The following DGKB variants were observed in gnomAD, a reference collection of about 807,000 sequenced individuals.
The protein encoded by DGKB is diacylglycerol kinase beta, also known as 90 kDa diacylglycerol kinase.
DGKB carries 67 observed loss-of-function variants against 114.3 expected under a neutral mutation model. The observed-to-expected ratio is 0.59, with a 90% CI of 0.48 to 0.72. The LOEUF (loss-of-function observed/expected upper bound fraction) is 0.72. Ranked by LOEUF, DGKB falls within the 30% of genes least tolerant of loss-of-function variation. The probability of loss-of-function intolerance (pLI) is 0.00; values close to 1 mark genes in which losing one functional copy is unlikely to be tolerated. For missense variants in DGKB, 907 were observed against 975.2 expected (o/e 0.93, Z 0.93); for synonymous variants, 398 against 323.1 (o/e 1.23, Z -2.49).
rs189513005 is a variant in DGKB at position 14,468,478 on chromosome 7, A to G, written c.1835+9683T>C. Among the ~76,000 whole-genome samples the G allele has an allele frequency of 1.6e-3, 239 of 152,092 alleles. 1 individual carries two copies. The highest frequency in any genetic ancestry group is 4.5e-3 in the Admixed American group (68 of 15,254). On this transcript the variant is annotated intron_variant, in intron 21 of 25. Transcript: ENST00000402815. ...AAATAATAGATTTAACTGTTGTCCA[A>G]GCTTATCTGCAGTTTCTTCCCTTTA... is the stretch of plus-strand genomic sequence containing the variant.
intron 4 of DGKB, among the ~76,000 whole-genome samples, chr7:14,736,830 T>C (rs762864085): frequency 6.6e-5 from 10 of 152,182 alleles, no homozygotes; most frequent in Non-Finnish European, 1.5e-4. Context: ...TTGGAGAGAA[T>C]TGTGGTGGTG....
At chr7:14,425,808 T>C (rs578261704) in intron 21 of DGKB, among the ~76,000 whole-genome samples, 6 of 152,276 alleles carry the variant, frequency 3.9e-5, no homozygotes, top group African/African-American at 1.4e-4. Context: ...TCTTCTTTGG[T>C]GCCTAATCAG....
At chr7:14,391,869 TGA>T (rs1170295974) in intron 21 of DGKB, among the ~76,000 whole-genome samples, 2 of 152,190 alleles carry the variant, frequency 1.3e-5, no homozygotes, top group Admixed American at 6.5e-5. Context: ...GATATAATAT[TGA>T]GAGACTTTAC....
intron 2 of DGKB, among the ~76,000 whole-genome samples, chr7:14,771,973 T>A (rs952724350): frequency 2.6e-5 from 4 of 151,874 alleles, no homozygotes; most frequent in African/African-American, 9.7e-5. Flanking sequence ...AACACTCCTT[T>A]CCATTGATCC....
Position 14,145,898 on chromosome 7 carries a change from C to G in DGKB, c.*3233G>C, listed in dbSNP as rs1385386184. The G allele has an allele frequency of 6.6e-6, 1 of 152,102 alleles. No individual in the cohort carries two copies. The highest frequency in any genetic ancestry group is 1.5e-5 in the Non-Finnish European group (1 of 68,010). The allele number at this position is 152,102 out of a possible 1,614,324, so 9.4% of individuals were successfully genotyped here. A position where few individuals can be genotyped will look rare whatever the true frequency, so the allele number is the denominator to read the frequency against. On this transcript the variant is annotated 3_prime_UTR_variant, in exon 26 of 26. Transcript: ENST00000402815. Reference sequence around the variant, plus strand: ...GTGTGAGATTCAAAACATATTCTTCCCTGAAAAATTGCAACTACTTCCCAT... The same window carrying G: ...GTGTGAGATTCAAAACATATTCTTCGCTGAAAAATTGCAACTACTTCCCAT...
At chr7:14,415,767 A>G (rs1246195193) in intron 21 of DGKB, among the ~76,000 whole-genome samples, 1 of 152,104 alleles carries the variant, frequency 6.6e-6, no homozygotes, top group South Asian at 2.1e-4. Context: ...ATGATTTATA[A>G]TCCTTTGGGT....
chr7:14,652,365 T>A (rs2128902261), intron 13 of DGKB, among the ~76,000 whole-genome samples: 1 of 152,156 alleles, frequency 6.6e-6, no homozygotes, highest in African/African-American at 2.4e-5. Context: ...AACTATCCGA[T>A]CTTTGACAAA....
At chr7:14,681,360 GTACT>G (rs748289423) in intron 12 of DGKB, among the ~76,000 whole-genome samples, 88 of 152,080 alleles carry the variant, frequency 5.8e-4, no homozygotes, top group Admixed American at 1.6e-3. Context: ...TTAAAGGAAA[GTACT>G]TAATTGTATT....
intron 23 of DGKB, among the ~76,000 whole-genome samples, chr7:14,210,537 G>T (rs911100320): frequency 1.3e-4 from 20 of 152,060 alleles, no homozygotes; most frequent in African/African-American, 4.6e-4. Context: ...TCACAACAGA[G>T]CTTTAATGTG....
At chr7:14,553,230 T>C (rs555945914) in intron 20 of DGKB, among the ~76,000 whole-genome samples, 1 of 152,242 alleles carries the variant, frequency 6.6e-6, no homozygotes, top group Non-Finnish European at 1.5e-5. Context: ...GCTTTGTCAC[T>C]TTCCTTTATA....
At chr7:14,422,955 A>T (rs1156689878) in intron 21 of DGKB, among the ~76,000 whole-genome samples, 1 of 152,028 alleles carries the variant, frequency 6.6e-6, no homozygotes, top group Non-Finnish European at 1.5e-5. Flanking sequence ...TTGCTAGGGA[A>T]ACTAGGCTGT....
upstream of DGKB, chr7:14,903,330 G>A (rs1222964284): frequency 6.6e-6 from 1 of 151,978 alleles, no homozygotes; most frequent in African/African-American, 2.4e-5. Flanking sequence ...AGCTGCTATT[G>A]CTACTCTTGC....
At chr7:14,798,200 C>G (rs759396209) in intron 2 of DGKB, among the ~76,000 whole-genome samples, 1 of 152,134 alleles carries the variant, frequency 6.6e-6, no homozygotes, top group Non-Finnish European at 1.5e-5. Context: ...GGACTCTATC[C>G]GGAACTGTCA....
chr7:14,798,810 T>C (rs1217955281), intron 2 of DGKB, among the ~76,000 whole-genome samples: 1 of 152,186 alleles, frequency 6.6e-6, no homozygotes, highest in Non-Finnish European at 1.5e-5. Flanking sequence ...CCAGAATGCC[T>C]AATTGTAACA....
chr7:14,927,052 A>AATG (rs1023269168), intron 1 of DGKB, among the ~76,000 whole-genome samples: 2 of 151,946 alleles, frequency 1.3e-5, no homozygotes, highest in African/African-American at 2.4e-5. Flanking sequence ...GATTCACTGG[A>AATG]ATGATGATGA....
chr7:14,973,247 A>G (rs150269859), intron 1 of DGKB, among the ~76,000 whole-genome samples: 5 of 151,910 alleles, frequency 3.3e-5, no homozygotes, highest in African/African-American at 1.2e-4. Context: ...CCTCTATTTA[A>G]TTTTTATTTA....
chr7:14,627,580 C>T (rs542077329), intron 14 of DGKB, among the ~76,000 whole-genome samples: 27 of 129,468 alleles, frequency 2.1e-4, no homozygotes, highest in African/African-American at 8.1e-4. Flanking sequence ...GTGTGTATGT[C>T]TGTGTCTGTG....
intron 3 of DGKB, 117 bp from the exon 4 acceptor site, chr7:14,754,065 C>T (rs1395350448): frequency 1.2e-5 from 8 of 690,412 alleles, no homozygotes; most frequent in Non-Finnish European, 7.3e-6. Context: ...TTTTAAAACA[C>T]ACCCTAGATC....
At chr7:14,201,798 TAAG>T (rs1785934459) in intron 23 of DGKB, among the ~76,000 whole-genome samples, 1 of 152,000 alleles carries the variant, frequency 6.6e-6, no homozygotes. Flanking sequence ...ATTAAAAAAA[TAAG>T]AATCATATAT....
Sources: allele counts gnomAD v4.1 joint callset (sites outside exome capture counted in the v4.1 genomes callset), GRCh38; gene constraint gnomAD v4.1.1; transcripts MANE v1.5; gene names NCBI Gene and HGNC (gene_info 2026-07-23, HGNC 2026-07-21).